COMMD10: variants seen among roughly 807,000 people sequenced by gnomAD.
COMMD10 encodes the protein COMM domain containing 10.
COMMD10 carries 33 observed loss-of-function variants against 28.9 expected under a neutral mutation model. That is an observed-to-expected ratio of 1.14 (90% CI 0.87 to 1.53). The LOEUF (loss-of-function observed/expected upper bound fraction) is 1.53. COMMD10 is among the 40% of genes most tolerant of loss of function. COMMD10 has a pLI of 0.00. For synonymous variants in COMMD10, 110 were observed against 81.7 expected, an observed-to-expected ratio of 1.35 and a Z score of -1.87; for missense variants, 310 against 233.4, an observed-to-expected ratio of 1.33 and a Z score of -2.14.
rs757019599 is a variant in COMMD10 at position 116,291,544 on chromosome 5, A to C, written c.538A>C (p.Ser180Arg). The C allele has an allele frequency of 6.2e-7, 1 of 1,601,016 alleles. No individual in the cohort carries two copies. The change falls in exon 6 of 7, where the codon AGT (serine) becomes CGT (arginine). Residue 180 changes from serine to arginine, a missense_variant. By Grantham distance (110) the Ser-to-Arg change is moderately radical. Coordinates refer to ENST00000274458, the MANE Select transcript of COMMD10 (RefSeq NM_016144.4). ...KSLEKVLVEF[S>R]HKELFDFYNK... Reference sequence around the variant, plus strand: ...CCTGGAGAAAGTTCTTGTGGAATTCAGTCACAAGGAGTTGTTTGATTTCTA... The same window carrying C: ...CCTGGAGAAAGTTCTTGTGGAATTCCGTCACAAGGAGTTGTTTGATTTCTA...
intron 5 of COMMD10, among the ~76,000 whole-genome samples, chr5:116,217,655 A>C (rs1212400474): frequency 6.6e-6 from 1 of 152,188 alleles, no homozygotes; most frequent in Non-Finnish European, 1.5e-5. Flanking sequence ...TAAGGGAGTT[A>C]AGTCTGTGCT....
intron 5 of COMMD10, among the ~76,000 whole-genome samples, chr5:116,270,124 A>G (rs1447272596): frequency 6.6e-6 from 1 of 151,788 alleles, no homozygotes; most frequent in East Asian, 1.9e-4. Context: ...CTTATTTCCT[A>G]CTTTACATTT....
At chr5:116,140,775 A>T (rs564205705) in intron 5 of COMMD10, among the ~76,000 whole-genome samples, 1 of 151,630 alleles carries the variant, frequency 6.6e-6, no homozygotes, top group Admixed American at 6.6e-5. Context: ...AATTAATCTT[A>T]GTACATTATT....
chr5:116,136,481 T>A (rs751834674), intron 5 of COMMD10, among the ~76,000 whole-genome samples: 1 of 152,242 alleles, frequency 6.6e-6, no homozygotes, highest in Non-Finnish European at 1.5e-5. Context: ...ACCACATACA[T>A]TGGATATGCT....
chr5:116,234,708 A>G (rs1238497910), intron 5 of COMMD10, among the ~76,000 whole-genome samples: 3 of 152,198 alleles, frequency 2.0e-5, no homozygotes, highest in Non-Finnish European at 4.4e-5. Context: ...CGAGTTAGGA[A>G]CTTCCGAAAA....
At chr5:116,111,622 C>T (rs1751049014) in intron 4 of COMMD10, among the ~76,000 whole-genome samples, 1 of 152,028 alleles carries the variant, frequency 6.6e-6, no homozygotes, top group Non-Finnish European at 1.5e-5. Flanking sequence ...TTTTATTCTA[C>T]TGTGGTCTGA....
chr5:116,221,057 A>G (rs1410184714), intron 5 of COMMD10, among the ~76,000 whole-genome samples: 1 of 149,460 alleles, frequency 6.7e-6, no homozygotes, highest in African/African-American at 2.5e-5. Context: ...ATTATGAAAC[A>G]TTAAGTTTTC....
intron 4 of COMMD10, among the ~76,000 whole-genome samples, chr5:116,133,376 T>C (rs1445615524): frequency 6.6e-6 from 1 of 152,194 alleles, no homozygotes; most frequent in Non-Finnish European, 1.5e-5. Context: ...TGATTAAAAT[T>C]TTGCTGTTGT....
At chr5:116,203,101 A>G (rs1396427098) in intron 5 of COMMD10, among the ~76,000 whole-genome samples, 4 of 152,102 alleles carry the variant, frequency 2.6e-5, no homozygotes, top group Non-Finnish European at 5.9e-5. Flanking sequence ...AGCTTTCTAC[A>G]TATGGCTAGC....
chr5:116,188,742 C>T (rs1580534145), intron 5 of COMMD10, among the ~76,000 whole-genome samples: 1 of 151,346 alleles, frequency 6.6e-6, no homozygotes, highest in Admixed American at 6.6e-5. Flanking sequence ...AATCCTCCCA[C>T]CTCAGCCTCC....
At chr5:116,125,371 A>G (rs534641661) in intron 4 of COMMD10, among the ~76,000 whole-genome samples, 35 of 152,328 alleles carry the variant, frequency 2.3e-4, no homozygotes, top group African/African-American at 7.2e-4. Flanking sequence ...AATGTTGAAC[A>G]TTGGCCCCCA....
At position 116,118,930 on chromosome 5, in the gene COMMD10, A is replaced by G. The variant is rs73271260; in HGVS notation, c.400-15138A>G. On this transcript the variant is annotated intron_variant, in intron 4 of 6. Coordinates refer to ENST00000274458, the MANE Select transcript of COMMD10 (RefSeq NM_016144.4). ...ATGAAGATTTCGTTAATGCCAGGGA[A>G]CTGTGCTGTTAGCAAAATCACTCTT... 7.9e-3 allele frequency among the ~76,000 whole-genome samples: 1,210 copies of G among 152,368 alleles called. 15 individuals are homozygous for G. Among genetic ancestry groups the G allele is most frequent in the African/African-American group, 0.027 (1,117 of 41,592 alleles).
intron 5 of COMMD10, among the ~76,000 whole-genome samples, chr5:116,276,603 G>T (rs182859686): frequency 1.3e-5 from 2 of 151,792 alleles, no homozygotes; most frequent in East Asian, 3.9e-4. Flanking sequence ...ATGTTTTTGT[G>T]TCATACATGA....
intron 4 of COMMD10, among the ~76,000 whole-genome samples, chr5:116,118,630 A>ATTTAT (rs1751320459): frequency 6.6e-6 from 1 of 152,074 alleles, no homozygotes; most frequent in African/African-American, 2.4e-5. Context: ...TTTGTGGTTC[A>ATTTAT]TTTATTTTAT....
chr5:116,181,906 C>T (rs1467578102), intron 5 of COMMD10, among the ~76,000 whole-genome samples: 1 of 152,008 alleles, frequency 6.6e-6, no homozygotes, highest in East Asian at 1.9e-4. Context: ...AGGCATATTT[C>T]GAGCTGGAGA....
intron 4 of COMMD10, among the ~76,000 whole-genome samples, chr5:116,102,139 C>G (rs1403224112): frequency 6.6e-6 from 1 of 152,142 alleles, no homozygotes; most frequent in Admixed American, 6.5e-5. Context: ...TTGCTTAGAA[C>G]AAGGTCCAAA....
At chr5:116,140,412 T>C (rs1202047627) in intron 5 of COMMD10, among the ~76,000 whole-genome samples, 1 of 151,834 alleles carries the variant, frequency 6.6e-6, no homozygotes, top group Non-Finnish European at 1.5e-5. Flanking sequence ...CAGATATCTC[T>C]TTAACATACT....
At chr5:116,269,281 A>G (rs778953589) in intron 5 of COMMD10, among the ~76,000 whole-genome samples, 3 of 151,798 alleles carry the variant, frequency 2.0e-5, no homozygotes, top group Non-Finnish European at 2.9e-5. Flanking sequence ...GTATTTCTAG[A>G]GGAAAGATTT....
intron 5 of COMMD10, among the ~76,000 whole-genome samples, chr5:116,182,455 CA>C (rs35523877): frequency 3.0e-4 from 44 of 147,650 alleles, no homozygotes; most frequent in East Asian, 6.0e-4. Flanking sequence ...AGAGTTTGAG[CA>C]AAAAAAAAGT....
Sources: allele counts gnomAD v4.1 joint callset (sites outside exome capture counted in the v4.1 genomes callset), GRCh38; gene constraint gnomAD v4.1.1; transcripts MANE v1.5; gene names NCBI Gene and HGNC (gene_info 2026-07-23, HGNC 2026-07-21).